CYB5B: variants seen among roughly 807,000 people sequenced by gnomAD.
CYB5B encodes the protein cytochrome b5 type B (outer mitochondrial membrane).
In CYB5B, 14 loss-of-function variants were observed where a neutral mutation model predicts 21.3. The ratio of observed to expected loss-of-function variants is 0.66; its 90% confidence interval spans 0.43 to 1.03. The LOEUF is 1.03. Ranked by LOEUF, CYB5B falls within the 50% of genes least tolerant of loss-of-function variation. CYB5B has a pLI of 0.00. For missense variants in CYB5B, 166 were observed against 185.1 expected (o/e 0.90, Z 0.60); for synonymous variants, 69 against 68.4 (o/e 1.01, Z -0.04).
intron 1 of CYB5B, among the ~76,000 whole-genome samples, chr16:69,432,380 T>C (rs961132306): frequency 6.6e-6 from 1 of 152,244 alleles, no homozygotes; most frequent in Non-Finnish European, 1.5e-5. Flanking sequence ...CAGCACTTTA[T>C]TGTAAGATAG....
chr16:69,433,459 A>G (rs2014727297), intron 1 of CYB5B, among the ~76,000 whole-genome samples: 4 of 152,112 alleles, frequency 2.6e-5, no homozygotes, highest in African/African-American at 9.7e-5. Flanking sequence ...TACTATGCAC[A>G]CTCATCTGTG....
chr16:69,452,873 C>T (rs2014949681), intron 3 of CYB5B, among the ~76,000 whole-genome samples: 1 of 151,188 alleles, frequency 6.6e-6, no homozygotes, highest in Non-Finnish European at 1.5e-5. Context: ...GTGGTGCACA[C>T]CTGTCGTCGC....
intron 3 of CYB5B, among the ~76,000 whole-genome samples, chr16:69,451,416 A>G (rs565439318): frequency 6.6e-6 from 1 of 152,164 alleles, no homozygotes; most frequent in Non-Finnish European, 1.5e-5. Context: ...TTATCACTTA[A>G]TCTGCCATCA....
intron 1 of CYB5B, among the ~76,000 whole-genome samples, chr16:69,426,171 G>A (rs1379720685): frequency 6.6e-6 from 1 of 152,060 alleles, no homozygotes; most frequent in South Asian, 2.1e-4. Context: ...AGGCCGAGAC[G>A]GGCGGATCAC....
chr16:69,447,741 GCTT>G (rs1174622643), intron 2 of CYB5B, among the ~76,000 whole-genome samples: 3 of 152,028 alleles, frequency 2.0e-5, no homozygotes, highest in Non-Finnish European at 4.4e-5. Context: ...CTAGGATATA[GCTT>G]CTTCTTTGCC....
chr16:69,462,463 C>A lies in CYB5B; in HGVS notation c.396C>A (p.Gly132=), dbSNP rs368312803. The A allele has an allele frequency of 1.4e-5, 22 of 1,613,964 alleles. No homozygotes were observed. In the African/African-American group the frequency reaches 2.4e-4, roughly 18 times the overall value. The change falls in exon 5 of 5, where the codon GGC becomes GGA. Residue 132 remains glycine (G), a synonymous_variant. Coordinates refer to ENST00000307892, the MANE Select transcript of CYB5B (RefSeq NM_030579.3). ...CATATTGGATTTTACCCATCATAGGCGCTGTTCTCTTAGGTTTCCTGTACC... is the reference window on the plus strand; with the variant it reads ...CATATTGGATTTTACCCATCATAGGAGCTGTTCTCTTAGGTTTCCTGTACC... The part of the protein sequence containing the change: ...CWAYWILPII[G]AVLLGFLYRY...
chr16:69,452,596 G>A (rs1418754275), intron 3 of CYB5B, among the ~76,000 whole-genome samples: 5 of 152,128 alleles, frequency 3.3e-5, no homozygotes, highest in Non-Finnish European at 1.5e-5. Flanking sequence ...CTTGAACCTG[G>A]GAGGCACAGG....
intron 1 of CYB5B, among the ~76,000 whole-genome samples, chr16:69,434,008 A>T (rs1014366124): frequency 2.6e-5 from 4 of 152,338 alleles, no homozygotes; most frequent in Admixed American, 6.5e-5. Context: ...AAAATATGGT[A>T]TTATAATCTT....
At position 69,424,626 on chromosome 16, in the gene CYB5B, G is replaced by GA. The variant is rs2142804217; in HGVS notation, c.-57dup. 1 of 1,490,582 alleles carries GA rather than the reference G, an allele frequency of 6.7e-7. No homozygotes were observed. The allele number at this position is 1,490,582 out of a possible 1,614,324, so 92.3% of individuals were successfully genotyped here. A position where few individuals can be genotyped will look rare whatever the true frequency, so the allele number is the denominator to read the frequency against. ...CTGGTTACGGAAGCCGAGGAAGGCTGAGCGCGGGCTCTCAAGGAAAGTAGT... is the reference window on the plus strand; with the variant it reads ...CTGGTTACGGAAGCCGAGGAAGGCTGAAGCGCGGGCTCTCAAGGAAAGTAGT... On this transcript the variant is annotated 5_prime_UTR_variant, in exon 1 of 5. Transcript: ENST00000307892.
chr16:69,461,038 C>T (rs1424488358), intron 4 of CYB5B, among the ~76,000 whole-genome samples: 3 of 152,178 alleles, frequency 2.0e-5, no homozygotes, highest in South Asian at 2.1e-4. Flanking sequence ...TTCTGGCCGG[C>T]GTGGTGGCTC....
At chr16:69,440,244 A>G (rs1158634412) in intron 1 of CYB5B, among the ~76,000 whole-genome samples, 1 of 152,228 alleles carries the variant, frequency 6.6e-6, no homozygotes, top group Non-Finnish European at 1.5e-5. Flanking sequence ...GTTGTGAATC[A>G]GATCTCTAGA....
chr16:69,465,972 C>T lies in CYB5B; in HGVS notation c.*3452C>T, dbSNP rs1399926530. On this transcript the variant is annotated 3_prime_UTR_variant, in exon 5 of 5. Transcript: ENST00000307892. ...CAGAGGCATTTGTCAAGTTACCTAC[C>T]CTATATCCAGCATCCTCCTCATGAG... 2 of 152,586 alleles carry T rather than the reference C, an allele frequency of 1.3e-5. No homozygotes were observed. The highest frequency in any genetic ancestry group is 2.9e-5 in the Non-Finnish European group (2 of 68,052). The allele number at this position is 152,586 out of a possible 1,614,324, so 9.5% of individuals were successfully genotyped here. A position where few individuals can be genotyped will look rare whatever the true frequency, so the allele number is the denominator to read the frequency against.
chr16:69,436,276 A>G (rs1345723249), intron 1 of CYB5B, among the ~76,000 whole-genome samples: 1 of 152,238 alleles, frequency 6.6e-6, no homozygotes, highest in African/African-American at 2.4e-5. Context: ...GAAGAAAGAT[A>G]TTAAATAAAT....
At chr16:69,453,405 T>G (rs2014954688) in intron 3 of CYB5B, among the ~76,000 whole-genome samples, 1 of 152,208 alleles carries the variant, frequency 6.6e-6, no homozygotes, top group Admixed American at 6.5e-5. Context: ...AAAATTTTAT[T>G]TTTAAGAATT....
At position 69,448,123 on chromosome 16, in the gene CYB5B, T is replaced by G. The variant is rs2014895811; in HGVS notation, c.312T>G (p.Leu104=). 6.2e-7 allele frequency: 1 copy of G among 1,612,964 alleles called. No individual in the cohort carries two copies. Among genetic ancestry groups the G allele is most frequent in the Non-Finnish European group, 8.5e-7 (1 of 1,179,750 alleles). Residue 104 remains leucine (L), a synonymous_variant, in exon 3 of 5, where the codon CTT becomes CTG. Coordinates refer to ENST00000307892, the MANE Select transcript of CYB5B (RefSeq NM_030579.3). ...YYIGDIHPSD[L]KPESGSKDPS... is the part of the protein sequence containing the mutation. ...TTTCCTTTTTTTGACAGAGTGACCT[T>G]AAACCTGAAAGTGGTAGCAAGGTAA...
At chr16:69,434,156 T>G (rs560695421) in intron 1 of CYB5B, among the ~76,000 whole-genome samples, 1 of 152,336 alleles carries the variant, frequency 6.6e-6, no homozygotes, top group South Asian at 2.1e-4. Flanking sequence ...CTGTCTAGCT[T>G]CTTTTGCTCA....
chr16:69,438,780 G>A (rs775818213), intron 1 of CYB5B, among the ~76,000 whole-genome samples: 6 of 152,188 alleles, frequency 3.9e-5, no homozygotes, highest in Non-Finnish European at 7.3e-5. Context: ...GAGAGAGAGC[G>A]AGAGAGCTCT....
intron 3 of CYB5B, among the ~76,000 whole-genome samples, chr16:69,453,827 G>A (rs976781912): frequency 1.3e-5 from 2 of 152,074 alleles, no homozygotes; most frequent in Non-Finnish European, 2.9e-5. Flanking sequence ...TCAAAGTGCT[G>A]GGATTACAGG....
chr16:69,442,411 A>AT (rs1398217275), intron 1 of CYB5B, among the ~76,000 whole-genome samples: 1 of 152,100 alleles, frequency 6.6e-6, no homozygotes. Flanking sequence ...CACACACTGC[A>AT]TTTTTTCTAG....
Sources: gnomAD v4.1 joint callset for allele counts (sites outside exome capture counted in the v4.1 genomes callset) on GRCh38, gnomAD v4.1.1 for gene constraint, MANE v1.5 for transcripts, NCBI Gene and HGNC (gene_info 2026-07-23, HGNC 2026-07-21) for gene names.